The following NETO2 variants were observed in gnomAD, a reference collection of about 807,000 sequenced individuals.
The protein encoded by NETO2 is neuropilin and tolloid-like protein 2.
A neutral mutation model predicts 62.5 loss-of-function variants in NETO2; 28 were observed. That is an observed-to-expected ratio of 0.45 (90% CI 0.33 to 0.61). The LOEUF (loss-of-function observed/expected upper bound fraction) is 0.61. Among genes scored for constraint, NETO2 ranks in the 20% least tolerant of loss-of-function variants. The probability of loss-of-function intolerance (pLI) is 0.02; values close to 1 mark genes in which losing one functional copy is unlikely to be tolerated. For synonymous variants in NETO2, 214 were observed against 219.1 expected, an observed-to-expected ratio of 0.98 and a Z score of 0.21; for missense variants, 548 against 643.2, an observed-to-expected ratio of 0.85 and a Z score of 1.60.
intron 1 of NETO2, among the ~76,000 whole-genome samples, chr16:47,136,072 G>A (rs893365367): frequency 1.3e-5 from 2 of 152,138 alleles, no homozygotes; most frequent in African/African-American, 2.4e-5. Context: ...AACTCTTAGT[G>A]GGTCCTGTTT....
intron 7 of NETO2, among the ~76,000 whole-genome samples, chr16:47,095,572 C>T (rs751191350): frequency 2.3e-4 from 35 of 152,040 alleles, no homozygotes; most frequent in Non-Finnish European, 4.3e-4. Flanking sequence ...AAAAAGGACA[C>T]GGTATATTGA....
At chr16:47,142,688 G>C (rs1040926249) in intron 1 of NETO2, among the ~76,000 whole-genome samples, 1 of 152,202 alleles carries the variant, frequency 6.6e-6, no homozygotes, top group Non-Finnish European at 1.5e-5. Flanking sequence ...TCTGGAAATT[G>C]AAAAGACGAT....
chr16:47,116,633 A>G lies in NETO2; in HGVS notation c.654+6024T>C, dbSNP rs533262229. On this transcript the variant is annotated intron_variant, in intron 6 of 8. Coordinates refer to ENST00000562435, the MANE Select transcript of NETO2 (RefSeq NM_018092.5). Reference sequence around the variant, plus strand: ...TATCAGGGTAATGCTTATCTTACAAAGTAAGTTTAGAAATGTTCCCTGCTC... The same window carrying G: ...TATCAGGGTAATGCTTATCTTACAAGGTAAGTTTAGAAATGTTCCCTGCTC... 8.9e-4 allele frequency among the ~76,000 whole-genome samples: 136 copies of G among 152,170 alleles called. 1 individual carries two copies. The highest frequency in any genetic ancestry group is 1.5e-3 in the Non-Finnish European group (100 of 68,020).
intron 1 of NETO2, among the ~76,000 whole-genome samples, chr16:47,136,865 G>C (rs769023680): frequency 6.6e-6 from 1 of 151,906 alleles, no homozygotes; most frequent in Non-Finnish European, 1.5e-5. Context: ...AAAAAAAGGT[G>C]AATTATGTAT....
At position 47,131,423 on chromosome 16, in the gene NETO2, T is replaced by A. The variant is rs558077892; in HGVS notation, c.91+546A>T. Among the ~76,000 whole-genome samples the A allele has an allele frequency of 2.6e-5, 4 of 152,330 alleles. No individual in the cohort carries two copies. In the South Asian group the frequency reaches 8.3e-4, roughly 32 times the overall value. ...AGTTAAGTAGGGCAAGATGGGGAAC[T>A]CATTTTTCCTAATTAACTTTTTAGG... is the stretch of plus-strand genomic sequence containing the variant. On this transcript the variant is annotated intron_variant, in intron 2 of 8. Transcript: ENST00000562435.
At chr16:47,125,349 G>GA (rs1964134343) in intron 4 of NETO2, among the ~76,000 whole-genome samples, 1 of 144,552 alleles carries the variant, frequency 6.9e-6, no homozygotes, top group African/African-American at 2.5e-5. Context: ...CTAGCTACTA[G>GA]TTTTTTTTTT....
intron 1 of NETO2, among the ~76,000 whole-genome samples, chr16:47,133,847 C>T (rs1964318670): frequency 6.6e-6 from 1 of 152,038 alleles, no homozygotes; most frequent in Non-Finnish European, 1.5e-5. Flanking sequence ...ATGAGAAGCC[C>T]TTGTAGGTTT....
At chr16:47,112,387 C>T (rs1357121475) in intron 6 of NETO2, among the ~76,000 whole-genome samples, 1 of 152,180 alleles carries the variant, frequency 6.6e-6, no homozygotes, top group East Asian at 1.9e-4. Flanking sequence ...TAGACAGAAT[C>T]TCACTCTGTC....
Position 47,082,998 on chromosome 16 carries a change from T to G in NETO2, c.*223A>C. ...GCTTCCTATAAATGACACCAAGCAA[T>G]AGAGATGATTATTGTTTCCACTGAA... On this transcript the variant is annotated 3_prime_UTR_variant, in exon 9 of 9. Transcript: ENST00000562435. 2.2e-6 allele frequency: 1 copy of G among 461,098 alleles called. No individual in the cohort carries two copies. The highest frequency in any genetic ancestry group is 5.5e-5 in the South Asian group (1 of 18,186). The allele number at this position is 461,098 out of a possible 1,614,324, so 28.6% of individuals were successfully genotyped here.
Position 47,079,080 on chromosome 16 carries a change from G to C in NETO2, c.*4141C>G, listed in dbSNP as rs1963018811. ...GCGGATCACGAGGTCAGGAGATCGA[G>C]ACCATCCTGGCTAACATGGTGAAAC... On this transcript the variant is annotated 3_prime_UTR_variant, in exon 9 of 9. Coordinates refer to ENST00000562435, the MANE Select transcript of NETO2 (RefSeq NM_018092.5). 1 of 151,814 alleles carries C rather than the reference G, an allele frequency of 6.6e-6. No homozygotes were observed. Among genetic ancestry groups the C allele is most frequent in the East Asian group, 1.9e-4 (1 of 5,176 alleles). 9.4% of individuals were successfully genotyped at this position (151,814 alleles called of 1,614,324 possible). A position where few individuals can be genotyped will look rare whatever the true frequency, so the allele number is the denominator to read the frequency against.
chr16:47,099,016 C>T (rs1963489357), intron 7 of NETO2, among the ~76,000 whole-genome samples: 1 of 152,118 alleles, frequency 6.6e-6, no homozygotes, highest in Non-Finnish European at 1.5e-5. Flanking sequence ...CCCACCACCA[C>T]ACCTGGGTAA....
chr16:47,127,682 A>G (rs1395872926), intron 4 of NETO2, among the ~76,000 whole-genome samples: 2 of 152,232 alleles, frequency 1.3e-5, no homozygotes, highest in African/African-American at 2.4e-5. Flanking sequence ...GGTCTCCCCA[A>G]CGGCAAGAAA....
chr16:47,109,829 C>A (rs1212679585), intron 6 of NETO2, 118 bp from the exon 7 acceptor site: 1 of 666,666 alleles, frequency 1.5e-6, no homozygotes, highest in Non-Finnish European at 2.6e-6. Context: ...AAACCATAAT[C>A]GATAAATGGC....
At chr16:47,122,088 T>C (rs1179803438) in intron 6 of NETO2, among the ~76,000 whole-genome samples, 2 of 152,224 alleles carry the variant, frequency 1.3e-5, no homozygotes, top group East Asian at 1.9e-4. Flanking sequence ...TTTAACTCTG[T>C]TGATATTCCT....
At position 47,083,303 on chromosome 16, in the gene NETO2, C is replaced by A; in HGVS notation, c.1496G>T (p.Arg499Leu). 1.9e-6 allele frequency: 3 copies of A among 1,614,218 alleles called. No individual in the cohort carries two copies. Among genetic ancestry groups the A allele is most frequent in the Non-Finnish European group, 8.5e-7 (1 of 1,180,030 alleles). ...TTCACAGGGAATCTCCTCCATTACT[C>A]GGTCTTCCAGGGCCTGCTCAGGGCA... is the stretch of plus-strand genomic sequence containing the variant. ...HECPEQALEDRVMEEIPCEIY... is the reference protein window; with the variant it reads ...HECPEQALEDLVMEEIPCEIY... Residue 499 changes from arginine (R) to leucine (L), a missense_variant, in exon 9 of 9, where the codon CGA (arginine) becomes CTA (leucine). Transcript: ENST00000562435.
chr16:47,086,567 T>C (rs945456281), intron 7 of NETO2, among the ~76,000 whole-genome samples: 1 of 152,252 alleles, frequency 6.6e-6, no homozygotes, highest in African/African-American at 2.4e-5. Flanking sequence ...GTAATGATAA[T>C]GAATGTATTT....
At chr16:47,115,700 T>TATATAC (rs1963898133) in intron 6 of NETO2, among the ~76,000 whole-genome samples, 1 of 136,614 alleles carries the variant, frequency 7.3e-6, no homozygotes, top group African/African-American at 3.1e-5. Context: ...CTAATTTTTA[T>TATATAC]ATATATATAT....
chr16:47,102,317 A>C (rs1365622307), intron 7 of NETO2, among the ~76,000 whole-genome samples: 1 of 152,230 alleles, frequency 6.6e-6, no homozygotes, highest in African/African-American at 2.4e-5. Context: ...TAAACATAAG[A>C]CCTAAAACCA....
At chr16:47,128,296 A>G in intron 4 of NETO2, 29 bp downstream of exon 4, 1 of 1,600,006 alleles carries the variant, frequency 6.2e-7, no homozygotes, top group Non-Finnish European at 8.5e-7. Flanking sequence ...TGAGATGCCC[A>G]ACCACTTAAA....
Sources: gnomAD v4.1 joint callset for allele counts (sites outside exome capture counted in the v4.1 genomes callset) on GRCh38, gnomAD v4.1.1 for gene constraint, MANE v1.5 for transcripts, NCBI Gene and HGNC (gene_info 2026-07-23, HGNC 2026-07-21) for gene names.